The following PHTF1 variants were observed in gnomAD, a reference collection of about 807,000 sequenced individuals.
The protein encoded by PHTF1 is putative homeodomain transcription factor 1.
Under a neutral mutation model 102.4 loss-of-function variants are expected in PHTF1, and 88 were observed. The ratio of observed to expected loss-of-function variants is 0.86; its 90% confidence interval spans 0.72 to 1.03. The LOEUF (loss-of-function observed/expected upper bound fraction) is 1.03, where lower values mean the gene tolerates loss of function less well. Among genes scored for constraint, PHTF1 ranks in the 50% least tolerant of loss-of-function variants. The pLI is 0.00. For missense variants in PHTF1, 814 were observed against 909.5 expected (o/e 0.89, Z 1.35); for synonymous variants, 289 against 305.2 (o/e 0.95, Z 0.55).
At position 113,698,392 on chromosome 1, in the gene PHTF1, A is replaced by G. The variant is rs1173209222; in HGVS notation, c.2143-5T>C. 1 of 1,608,974 alleles carries G rather than the reference A, an allele frequency of 6.2e-7. No homozygotes were observed. The highest frequency in any genetic ancestry group is 8.5e-7 in the Non-Finnish European group (1 of 1,177,380). Reference sequence around the variant, plus strand: ...TCTAAATGGTGTGTCCAGCTCCTACAAAAAACATCAAAGAATTGAAATGAG... The same window carrying G: ...TCTAAATGGTGTGTCCAGCTCCTACGAAAAACATCAAAGAATTGAAATGAG... On this transcript the variant is annotated splice_polypyrimidine_tract_variant and splice_region_variant and intron_variant, in intron 17 of 18. Coordinates refer to ENST00000369604, the MANE Select transcript of PHTF1 (RefSeq NM_001323043.2).
chr1:113,744,112 A>G (rs1656839849), intron 3 of PHTF1, among the ~76,000 whole-genome samples: 1 of 152,232 alleles, frequency 6.6e-6, no homozygotes, highest in African/African-American at 2.4e-5. Flanking sequence ...CCAGGAAAAG[A>G]TTGTAGGACA....
intron 3 of PHTF1, among the ~76,000 whole-genome samples, chr1:113,742,545 C>T (rs868782371): frequency 6.6e-6 from 1 of 151,900 alleles, no homozygotes; most frequent in African/African-American, 2.4e-5. Context: ...CACTTGAGCC[C>T]GGGAGGCTGA....
chr1:113,724,877 C>A lies in PHTF1; in HGVS notation c.505G>T (p.Val169Leu). 6.3e-7 allele frequency: 1 copy of A among 1,597,076 alleles called. No individual in the cohort carries two copies. The highest frequency in any genetic ancestry group is 8.5e-7 in the Non-Finnish European group (1 of 1,173,744). The change falls in exon 7 of 19, where the codon GTA becomes TTA. Residue 169 changes from valine (V) to leucine (L), a missense_variant. Val to Leu is a conservative substitution (Grantham distance 32). Transcript: ENST00000369604. ...TTTTCTCGGCTCCCATCACCATTTA[C>A]AGTTTTTCGTAATTTTCTACAAAAA... ...NRRRRKLRKT[V>L]NGDGSRENGN...
intron 8 of PHTF1, among the ~76,000 whole-genome samples, chr1:113,713,022 A>G (rs1651385872): frequency 6.6e-6 from 1 of 152,050 alleles, no homozygotes; most frequent in Non-Finnish European, 1.5e-5. Context: ...CGATCTCCTG[A>G]CCTCGTGATC....
chr1:113,715,628 A>G (rs1651863443), intron 7 of PHTF1, among the ~76,000 whole-genome samples: 1 of 130,612 alleles, frequency 7.7e-6, no homozygotes, highest in African/African-American at 3.0e-5. Context: ...AACCTGAGCA[A>G]TGACAGTGAA....
chr1:113,701,040 A>C, intron 15 of PHTF1, 91 bp from the exon 16 acceptor site: 2 of 959,664 alleles, frequency 2.1e-6, no homozygotes, highest in Non-Finnish European at 3.2e-6. Flanking sequence ...GAACATTTCC[A>C]AAAATCCAAT....
intron 3 of PHTF1, among the ~76,000 whole-genome samples, chr1:113,745,010 G>A (rs1657009855): frequency 6.6e-6 from 1 of 151,288 alleles, no homozygotes; most frequent in South Asian, 2.1e-4. Flanking sequence ...GGGAGGGCAG[G>A]GCAGGAGAGG....
chr1:113,759,565 T>C (rs1196767485), upstream of PHTF1: 1 of 152,380 alleles, frequency 6.6e-6, no homozygotes, highest in Non-Finnish European at 1.5e-5. Flanking sequence ...GCCGCCGAGG[T>C]GGCTCCGCCC....
rs577741177 is a variant in PHTF1, at chr1:113,719,148, C to T, written c.623+5611G>A. On this transcript the variant is annotated intron_variant, in intron 7 of 18. Transcript: ENST00000369604. Reference sequence around the variant, plus strand: ...CCCAGGTAGCTGGGATTACAAGTACCCACCATCATGCCTGGTTAATTTTTG... The same window carrying T: ...CCCAGGTAGCTGGGATTACAAGTACTCACCATCATGCCTGGTTAATTTTTG... Among the ~76,000 whole-genome samples, 433 of 152,064 alleles carry T rather than the reference C, an allele frequency of 2.8e-3. 1 individual carries two copies. The highest frequency in any genetic ancestry group is 9.0e-3 in the African/African-American group (374 of 41,494).
chr1:113,755,269 C>T (rs1394086109), intron 3 of PHTF1, among the ~76,000 whole-genome samples: 1 of 151,108 alleles, frequency 6.6e-6, no homozygotes, highest in African/African-American at 2.4e-5. Flanking sequence ...GTATGCTATA[C>T]TTTGGTCATT....
chr1:113,721,789 A>G (rs1312277900), intron 7 of PHTF1, among the ~76,000 whole-genome samples: 1 of 152,010 alleles, frequency 6.6e-6, no homozygotes, highest in African/African-American at 2.4e-5. Context: ...TCCCGGATTC[A>G]TGCCATTCTG....
chr1:113,716,150 G>A (rs1486235369), intron 7 of PHTF1, among the ~76,000 whole-genome samples: 2 of 151,842 alleles, frequency 1.3e-5, no homozygotes, highest in Non-Finnish European at 2.9e-5. Context: ...ACACAAAGAA[G>A]ATTACCTCAA....
intron 11 of PHTF1, among the ~76,000 whole-genome samples, chr1:113,709,248 T>G (rs1344221589): frequency 6.6e-6 from 1 of 152,098 alleles, no homozygotes; most frequent in East Asian, 1.9e-4. Context: ...AAAGAAAACT[T>G]TAATGAGAAA....
At chr1:113,742,980 G>T (rs192912871) in intron 3 of PHTF1, among the ~76,000 whole-genome samples, 1 of 151,830 alleles carries the variant, frequency 6.6e-6, no homozygotes, top group African/African-American at 2.4e-5. Flanking sequence ...TGTTGTTGTT[G>T]TTGTTGTTGT....
intron 11 of PHTF1, 69 bp from the exon 12 acceptor site, chr1:113,706,791 C>T: frequency 1.7e-6 from 2 of 1,170,118 alleles, no homozygotes; most frequent in Non-Finnish European, 2.4e-6. Context: ...CTTTCCCAGG[C>T]TCCATTCATT....
chr1:113,720,717 C>G (rs1354251487), intron 7 of PHTF1, among the ~76,000 whole-genome samples: 1 of 152,140 alleles, frequency 6.6e-6, no homozygotes, highest in Non-Finnish European at 1.5e-5. Context: ...AGGACAGTGG[C>G]CCTCTTCTCA....
chr1:113,708,498 C>T (rs527812449), intron 11 of PHTF1, among the ~76,000 whole-genome samples: 56 of 152,068 alleles, frequency 3.7e-4, no homozygotes, highest in African/African-American at 1.3e-3. Context: ...TGGTGGCAGG[C>T]GGCAGGCACC....
At chr1:113,713,245 A>G (rs1038229161) in intron 8 of PHTF1, 34 bp downstream of exon 8, 1 of 1,591,578 alleles carries the variant, frequency 6.3e-7, no homozygotes, top group Non-Finnish European at 8.6e-7. Context: ...TACATGGGGA[A>G]AAAAACCCCT....
chr1:113,717,542 G>A (rs2101283427), intron 7 of PHTF1, among the ~76,000 whole-genome samples: 1 of 152,204 alleles, frequency 6.6e-6, no homozygotes, highest in South Asian at 2.1e-4. Context: ...CATCCCAATA[G>A]AAACTAAAAA....
Sources: gnomAD v4.1 joint callset for allele counts (sites outside exome capture counted in the v4.1 genomes callset) on GRCh38, gnomAD v4.1.1 for gene constraint, MANE v1.5 for transcripts, NCBI Gene and HGNC (gene_info 2026-07-23, HGNC 2026-07-21) for gene names.